The following RANBP17 variants were observed in gnomAD, a reference collection of about 807,000 sequenced individuals.
RANBP17 encodes RAN binding protein 17.
A neutral mutation model predicts 141.2 loss-of-function variants in RANBP17; 158 were observed. The observed-to-expected ratio is 1.12, with a 90% CI of 0.98 to 1.28. RANBP17 has a LOEUF of 1.28. Among genes scored for constraint, RANBP17 ranks in the 50% most tolerant of loss-of-function variants. RANBP17 has a pLI of 0.00. For missense variants in RANBP17, 1,438 were observed against 1,290.7 expected, an observed-to-expected ratio of 1.11 and a Z score of -1.75; for synonymous variants, 430 against 450.0, an observed-to-expected ratio of 0.96 and a Z score of 0.56.
chr5:171,089,922 C>T (rs1229403159), intron 14 of RANBP17, among the ~76,000 whole-genome samples: 16 of 152,208 alleles, frequency 1.1e-4, no homozygotes, highest in South Asian at 6.2e-4. Context: ...CCGTCTTCTG[C>T]GTCGCTCACA....
intron 24 of RANBP17, 154 bp downstream of exon 24, chr5:171,242,974 G>A (rs1764984680): frequency 1.2e-5 from 8 of 694,960 alleles, no homozygotes; most frequent in South Asian, 5.5e-5. Context: ...TGGGAAAAAT[G>A]TATTTCTTCA....
At chr5:170,915,753 C>A (rs959983216) in intron 8 of RANBP17, among the ~76,000 whole-genome samples, 2 of 151,892 alleles carry the variant, frequency 1.3e-5, no homozygotes, top group Non-Finnish European at 2.9e-5. Flanking sequence ...TTCCCCCTGC[C>A]CCCCCCAACA....
rs374296547 is a variant in RANBP17 at position 170,895,522 on chromosome 5, A to G, written c.424-528A>G. 4.1e-4 allele frequency among the ~76,000 whole-genome samples: 62 copies of G among 152,298 alleles called. No homozygotes were observed. In the South Asian group the frequency reaches 0.012, roughly 30 times the overall value. ...ATGCCATCATTATAGGTATGTAACA[A>G]TTTCATATACATGCACAATTAATGT... On this transcript the variant is annotated intron_variant, in intron 4 of 27. Transcript: ENST00000523189.
At chr5:170,953,976 G>A (rs1010122814) in intron 13 of RANBP17, among the ~76,000 whole-genome samples, 3 of 152,138 alleles carry the variant, frequency 2.0e-5, no homozygotes, top group Admixed American at 6.5e-5. Flanking sequence ...ATGTGAGCAA[G>A]CACATACAGT....
In RANBP17 at chr5:171,261,007, A is replaced by G. The variant is rs148788902; in HGVS notation, c.2777-4674A>G. Among the ~76,000 whole-genome samples the G allele has an allele frequency of 3.2e-3, 485 of 150,310 alleles. 4 individuals are homozygous for G. The highest frequency in any genetic ancestry group is 0.023 in the South Asian group (107 of 4,606). ...ATTATTGAATTGGATGTCATGTGGT[A>G]TGAATGTAATATGCGAGTGACACAT... is the stretch of plus-strand genomic sequence containing the variant. On this transcript the variant is annotated intron_variant, in intron 24 of 27. Transcript: ENST00000523189.
chr5:170,968,546 C>A, intron 14 of RANBP17, 169 bp downstream of exon 14: 1 of 677,484 alleles, frequency 1.5e-6, no homozygotes, highest in Admixed American at 2.2e-5. Flanking sequence ...TGTTTTATAC[C>A]TAGTTTACCA....
chr5:170,922,988 TAGAAG>T (rs1772600847), intron 11 of RANBP17, among the ~76,000 whole-genome samples: 1 of 148,304 alleles, frequency 6.7e-6, no homozygotes, highest in South Asian at 2.3e-4. Context: ...GCAGAGTCCT[TAGAAG>T]AGCAGAAGTT....
chr5:170,980,794 C>G (rs1581304679), intron 14 of RANBP17, among the ~76,000 whole-genome samples: 1 of 152,216 alleles, frequency 6.6e-6, no homozygotes. Flanking sequence ...TTGGAGCCCC[C>G]ACACAGAGTC....
In RANBP17 at chr5:170,950,561, T is replaced by A. The variant is rs889157294; in HGVS notation, c.1469-3036T>A. On this transcript the variant is annotated intron_variant, in intron 12 of 27. Coordinates refer to ENST00000523189, the MANE Select transcript of RANBP17 (RefSeq NM_022897.5). ...TGCCATCTTACCCCAGTCAGAATGA[T>A]TATTATTAAACAGAAAAAATAACAG... 3.3e-5 allele frequency among the ~76,000 whole-genome samples: 5 copies of A among 152,014 alleles called. No homozygotes were observed. The East Asian group carries it at 9.7e-4, about 29-fold the overall frequency.
rs566890097 is a variant in RANBP17, at chr5:171,049,548, C to T, written c.1710+81171C>T. ...CTTTGTCATGAAATCTTTGCCAAGGCCTATGTACAGAATGGCATTTTCTAG... is the reference window on the plus strand; with the variant it reads ...CTTTGTCATGAAATCTTTGCCAAGGTCTATGTACAGAATGGCATTTTCTAG... On this transcript the variant is annotated intron_variant, in intron 14 of 27. Transcript: ENST00000523189. Among the ~76,000 whole-genome samples the T allele has an allele frequency of 2.6e-5, 4 of 152,148 alleles. No homozygotes were observed. In the South Asian group the frequency reaches 8.3e-4, roughly 32 times the overall value.
At chr5:171,147,357 G>A (rs1435301519) in intron 14 of RANBP17, among the ~76,000 whole-genome samples, 1 of 146,350 alleles carries the variant, frequency 6.8e-6, no homozygotes, top group Admixed American at 6.9e-5. Flanking sequence ...GTGTGTGTGT[G>A]TGTGTGTGTG....
intron 14 of RANBP17, among the ~76,000 whole-genome samples, chr5:170,971,137 C>T (rs1263445545): frequency 6.6e-6 from 1 of 152,128 alleles, no homozygotes; most frequent in Non-Finnish European, 1.5e-5. Flanking sequence ...TATTAAGCAT[C>T]TTGAACATTT....
At position 171,272,650 on chromosome 5, in the gene RANBP17, G is replaced by C. The variant is rs546762377; in HGVS notation, c.2943+6803G>C. ...GCTATCTCTGTTCCTTTGTTTAGTG[G>C]CTTCTAATCTAAAGTATGTATGTTT... On this transcript the variant is annotated intron_variant, in intron 25 of 27. Transcript: ENST00000523189. Among the ~76,000 whole-genome samples the C allele has an allele frequency of 3.9e-5, 6 of 152,222 alleles. No individual in the cohort carries two copies. In the South Asian group the frequency reaches 1.2e-3, roughly 32 times the overall value.
chr5:171,057,276 G>A (rs899590239), intron 14 of RANBP17, among the ~76,000 whole-genome samples: 2 of 152,022 alleles, frequency 1.3e-5, no homozygotes, highest in Non-Finnish European at 2.9e-5. Flanking sequence ...TCCACAACTT[G>A]ATTGTTTTCT....
At chr5:170,914,362 A>G (rs926426986) in intron 8 of RANBP17, 122 bp downstream of exon 8, 6 of 669,550 alleles carry the variant, frequency 9.0e-6, no homozygotes, top group African/African-American at 7.3e-5. Context: ...GTAAGTTCTT[A>G]TATTTTCTGG....
At chr5:170,869,570 T>C (rs1767542568) in intron 1 of RANBP17, among the ~76,000 whole-genome samples, 1 of 152,232 alleles carries the variant, frequency 6.6e-6, no homozygotes, top group Non-Finnish European at 1.5e-5. Flanking sequence ...CTGCTTCTGA[T>C]GGCTGCTGGC....
rs572828816 is a variant in RANBP17 at position 171,262,580 on chromosome 5, A to G, written c.2777-3101A>G. 1.7e-4 allele frequency among the ~76,000 whole-genome samples: 26 copies of G among 152,302 alleles called. 1 individual carries two copies. In the South Asian group the frequency reaches 5.2e-3, roughly 30 times the overall value. On this transcript the variant is annotated intron_variant, in intron 24 of 27. Transcript: ENST00000523189. Reference sequence around the variant, plus strand: ...GTACCATGTGATATTTGATATAGGTATACACTGTGTAATGACCATTTAGGG... The same window carrying G: ...GTACCATGTGATATTTGATATAGGTGTACACTGTGTAATGACCATTTAGGG...
At chr5:171,185,854 C>T (rs1450950578) in intron 18 of RANBP17, among the ~76,000 whole-genome samples, 1 of 152,150 alleles carries the variant, frequency 6.6e-6, no homozygotes, top group Non-Finnish European at 1.5e-5. Flanking sequence ...GAGTCCTTTC[C>T]AGAAGGTTTT....
chr5:171,005,871 C>T (rs1247504735), intron 14 of RANBP17, among the ~76,000 whole-genome samples: 3 of 152,128 alleles, frequency 2.0e-5, no homozygotes, highest in African/African-American at 7.2e-5. Context: ...TATCCAGAAT[C>T]TACAATGAAC....
Sources: allele counts gnomAD v4.1 joint callset (sites outside exome capture counted in the v4.1 genomes callset), GRCh38; gene constraint gnomAD v4.1.1; transcripts MANE v1.5; gene names NCBI Gene and HGNC (gene_info 2026-07-23, HGNC 2026-07-21).